The following IL1RAPL2 variants were observed in gnomAD, a reference collection of about 807,000 sequenced individuals.
IL1RAPL2 encodes X-linked interleukin-1 receptor accessory protein-like 2.
Under a neutral mutation model 44.1 loss-of-function variants are expected in IL1RAPL2, and 3 were observed. That is an observed-to-expected ratio of 0.07 (90% CI 0.03 to 0.18). The LOEUF (loss-of-function observed/expected upper bound fraction) is 0.18, where lower values mean the gene tolerates loss of function less well. Among genes scored for constraint, IL1RAPL2 ranks in the 10% least tolerant of loss-of-function variants. The pLI, the probability that IL1RAPL2 is intolerant of heterozygous loss-of-function variation, is 1.00. For missense variants in IL1RAPL2, 391 were observed against 496.4 expected (o/e 0.79, Z 2.02); for synonymous variants, 181 against 178.8 (o/e 1.01, Z -0.10).
intron 5 of IL1RAPL2, among the ~76,000 whole-genome samples, chrX:105,388,171 A>T: frequency 1.0e-5 from 1 of 95,686 alleles, no homozygotes; most frequent in South Asian, 5.0e-4. Flanking sequence ...AAAAAAAAAA[A>T]AAAAAAAAAA....
chrX:105,068,906 T>C (rs2032171920), intron 2 of IL1RAPL2, among the ~76,000 whole-genome samples: 1 of 111,975 alleles, frequency 8.9e-6, no homozygotes, highest in Admixed American at 9.5e-5. Flanking sequence ...GGTCGTATTA[T>C]CAATAGAAGT....
chrX:104,761,363 G>A (rs1218589835), intron 2 of IL1RAPL2, among the ~76,000 whole-genome samples: 1 of 110,681 alleles, frequency 9.0e-6, no homozygotes, highest in Admixed American at 9.6e-5. Context: ...CACAAGAACA[G>A]CAGCATGGGG....
At chrX:105,199,708 A>G (rs1235639646) in intron 3 of IL1RAPL2, among the ~76,000 whole-genome samples, 2 of 112,048 alleles carry the variant, frequency 1.8e-5, no homozygotes, top group African/African-American at 6.5e-5. Flanking sequence ...CTAGACCAAT[A>G]GAAGATAAAA....
At chrX:105,447,561 A>G (rs2035976260) in intron 5 of IL1RAPL2, among the ~76,000 whole-genome samples, 1 of 78,729 alleles carries the variant, frequency 1.3e-5, no homozygotes, top group African/African-American at 5.2e-5. Flanking sequence ...AAATAAATAT[A>G]AATATATAAA....
intron 2 of IL1RAPL2, among the ~76,000 whole-genome samples, chrX:104,659,961 T>C (rs1459931392): frequency 1.8e-5 from 2 of 111,659 alleles, no homozygotes; most frequent in African/African-American, 6.5e-5. Flanking sequence ...TAACAAATAG[T>C]TTTGTCTTCA....
intron 2 of IL1RAPL2, among the ~76,000 whole-genome samples, chrX:105,038,642 G>A (rs893235656): frequency 1.0e-4 from 11 of 110,102 alleles, no homozygotes; most frequent in Admixed American, 5.8e-4. Context: ...TTATTTCATC[G>A]CCTATGTAAT....
At position 104,632,822 on chromosome X, in the gene IL1RAPL2, T is replaced by C. The variant is rs773692423; in HGVS notation, c.-19-26073T>C. On this transcript the variant is annotated intron_variant, in intron 1 of 10. Coordinates refer to ENST00000372582, the MANE Select transcript of IL1RAPL2 (RefSeq NM_017416.2). Reference sequence around the variant, plus strand: ...TTGACTTCCTCTTTTCCTATTTGAATACCCTTTATTTCCTTCTCCTGCCTG... The same window carrying C: ...TTGACTTCCTCTTTTCCTATTTGAACACCCTTTATTTCCTTCTCCTGCCTG... 3.6e-5 allele frequency among the ~76,000 whole-genome samples: 4 copies of C among 109,650 alleles called. No individual in the cohort carries two copies. The South Asian group carries it at 1.6e-3, about 44-fold the overall frequency.
intron 6 of IL1RAPL2, among the ~76,000 whole-genome samples, chrX:105,665,753 T>TGTTG (rs878928846): frequency 4.0e-4 from 28 of 69,273 alleles, no homozygotes; most frequent in Non-Finnish European, 5.5e-4. Flanking sequence ...TTTTTTTTTT[T>TGTTG]TTGTTGTTGT....
intron 6 of IL1RAPL2, among the ~76,000 whole-genome samples, chrX:105,671,145 C>T (rs1468036026): frequency 9.1e-6 from 1 of 110,425 alleles, no homozygotes; most frequent in Non-Finnish European, 1.9e-5. Context: ...TGGTGTTTCG[C>T]CATGTGGGCC....
intron 1 of IL1RAPL2, among the ~76,000 whole-genome samples, chrX:104,612,608 T>C (rs1929185555): frequency 8.9e-6 from 1 of 112,048 alleles, no homozygotes; most frequent in Non-Finnish European, 1.9e-5. Flanking sequence ...AGCCAGGTCA[T>C]GTGATGCCTC....
chrX:104,701,164 T>C (rs1452270741), intron 2 of IL1RAPL2, among the ~76,000 whole-genome samples: 3 of 111,985 alleles, frequency 2.7e-5, no homozygotes, highest in Non-Finnish European at 5.6e-5. Flanking sequence ...AATTTTCACC[T>C]CAAAATTCTC....
chrX:104,769,650 G>A (rs868168400), intron 2 of IL1RAPL2, among the ~76,000 whole-genome samples: 4 of 111,890 alleles, frequency 3.6e-5, no homozygotes, highest in Admixed American at 2.8e-4. Context: ...GGCTTCAAAC[G>A]TGTTCAACTG....
At chrX:105,536,009 A>G (rs1304989055) in intron 6 of IL1RAPL2, among the ~76,000 whole-genome samples, 1 of 111,950 alleles carries the variant, frequency 8.9e-6, no homozygotes, top group East Asian at 2.8e-4. Flanking sequence ...CAAAACCCTA[A>G]AAAGATCAGT....
At chrX:105,082,122 G>T (rs5916863) in intron 2 of IL1RAPL2, among the ~76,000 whole-genome samples, 47,560 of 109,971 alleles carry the variant, frequency 0.43, 8,481 homozygotes, top group East Asian at 0.75. Flanking sequence ...TTTTTGGTCA[G>T]TAGGCTATTA....
At chrX:105,016,197 G>A (rs751209326) in intron 2 of IL1RAPL2, among the ~76,000 whole-genome samples, 61 of 111,605 alleles carry the variant, frequency 5.5e-4, no homozygotes, top group African/African-American at 1.9e-3. Context: ...TGCTCATCAG[G>A]TTAAGGAGAT....
chrX:105,024,548 T>C (rs769516121), intron 2 of IL1RAPL2, among the ~76,000 whole-genome samples: 2 of 111,668 alleles, frequency 1.8e-5, no homozygotes, highest in South Asian at 7.5e-4. Context: ...TGAGGACTGA[T>C]GGTAACAAAG....
chrX:105,334,618 A>G (rs1414601301), intron 5 of IL1RAPL2, among the ~76,000 whole-genome samples: 1 of 111,911 alleles, frequency 8.9e-6, no homozygotes, highest in Non-Finnish European at 1.9e-5. Context: ...TATCTCATGT[A>G]TCCCATGAAT....
chrX:105,731,098 A>AAAAT (rs2038401890), intron 7 of IL1RAPL2, among the ~76,000 whole-genome samples: 4 of 111,305 alleles, frequency 3.6e-5, no homozygotes. Context: ...TTATTTTGAA[A>AAAAT]AAATAAACAA....
chrX:104,998,999 C>T (rs1416106238), intron 2 of IL1RAPL2, among the ~76,000 whole-genome samples: 3 of 111,281 alleles, frequency 2.7e-5, no homozygotes, highest in African/African-American at 9.8e-5. Context: ...GTGGGTCTCA[C>T]TATGTGACCC....
Sources: allele counts gnomAD v4.1 joint callset (sites outside exome capture counted in the v4.1 genomes callset), GRCh38; gene constraint gnomAD v4.1.1; transcripts MANE v1.5; gene names NCBI Gene and HGNC (gene_info 2026-07-23, HGNC 2026-07-21).